BIRC6: variants seen among roughly 807,000 people sequenced by gnomAD.
BIRC6 encodes the protein dual E2 ubiquitin-conjugating enzyme/E3 ubiquitin-protein ligase BIRC6.
BIRC6 carries 98 observed loss-of-function variants against 503.3 expected under a neutral mutation model. The observed-to-expected ratio is 0.19, with a 90% CI of 0.17 to 0.23. The LOEUF is 0.23. Among genes scored for constraint, BIRC6 ranks in the 10% least tolerant of loss-of-function variants. The pLI, the probability that BIRC6 is intolerant of heterozygous loss-of-function variation, is 1.00. For missense variants in BIRC6, 5,360 were observed against 5,806.0 expected (o/e 0.92, Z 2.50); for synonymous variants, 2,240 against 2,078.7 (o/e 1.08, Z -2.11).
At chr2:32,489,187 G>A (rs1014801257) in intron 42 of BIRC6, among the ~76,000 whole-genome samples, 32 of 151,950 alleles carry the variant, frequency 2.1e-4, no homozygotes, top group African/African-American at 7.0e-4. Context: ...AAAAGAATTA[G>A]CGTTCAGCTC....
intron 68 of BIRC6, among the ~76,000 whole-genome samples, chr2:32,595,715 C>A (rs2061633809): frequency 2.0e-5 from 3 of 152,144 alleles, no homozygotes; most frequent in Admixed American, 1.3e-4. Context: ...TGAGAAACAA[C>A]CTAAAAATCT....
chr2:32,508,445 G>A (rs750075907), intron 51 of BIRC6, among the ~76,000 whole-genome samples, 186 bp downstream of exon 51: 6 of 151,750 alleles, frequency 4.0e-5, no homozygotes, highest in African/African-American at 1.5e-4. Flanking sequence ...ACAGAATGCT[G>A]ACACTGATTA....
At chr2:32,476,471 T>G (rs1029857745) in intron 34 of BIRC6, 127 bp downstream of exon 34, 43 of 944,438 alleles carry the variant, frequency 4.6e-5, no homozygotes, top group Non-Finnish European at 6.1e-5. Flanking sequence ...TCTGGACTTT[T>G]TTTTGGTGGG....
intron 20 of BIRC6, among the ~76,000 whole-genome samples, chr2:32,443,993 G>C (rs2045697938): frequency 2.0e-5 from 3 of 150,976 alleles, no homozygotes; most frequent in Non-Finnish European, 4.4e-5. Context: ...GATTGGTAGG[G>C]ACTATGGCAA....
chr2:32,599,774 A>G lies in BIRC6; in HGVS notation c.13866A>G (p.Ala4622=), dbSNP rs749602569. ...CTGGTCCAGCGGACACCCCTTATGCAAATGGCTGCTTTGAGTTTGATGTGT... is the reference window on the plus strand; with the variant it reads ...CTGGTCCAGCGGACACCCCTTATGCGAATGGCTGCTTTGAGTTTGATGTGT... ...LITGPADTPY[A]NGCFEFDVYF... Residue 4622 remains alanine, a synonymous_variant, in exon 70 of 74, where the codon GCA becomes GCG. Coordinates refer to ENST00000421745, the MANE Select transcript of BIRC6 (RefSeq NM_016252.4). 2 of 1,613,970 alleles carry G rather than the reference A, an allele frequency of 1.2e-6. No homozygotes were observed. Among genetic ancestry groups the G allele is most frequent in the South Asian group, 2.2e-5 (2 of 91,092 alleles).
rs145269315 is a variant in BIRC6 at position 32,545,788 on chromosome 2, C to T, written c.12738C>T (p.Leu4246=). ...CATTGGAAATTGGAGCCTTACACCTCATTCTTGTCTGTCTCTCTGCTTTGA... is the reference window on the plus strand; with the variant it reads ...CATTGGAAATTGGAGCCTTACACCTTATTCTTGTCTGTCTCTCTGCTTTGA... ...RMALEIGALH[L]ILVCLSALSH... is the part of the protein sequence containing the mutation. The change falls in exon 63 of 74, where the codon CTC becomes CTT. Residue 4246 remains leucine (L), a synonymous_variant. Coordinates refer to ENST00000421745, the MANE Select transcript of BIRC6 (RefSeq NM_016252.4). The T allele has an allele frequency of 2.5e-6, 4 of 1,613,806 alleles. No homozygotes were observed. In the African/African-American group the frequency reaches 4.0e-5, roughly 16 times the overall value.
At chr2:32,553,474 G>A (rs1161895625) in intron 65 of BIRC6, among the ~76,000 whole-genome samples, 8 of 151,766 alleles carry the variant, frequency 5.3e-5, no homozygotes, top group South Asian at 2.1e-4. Context: ...AGCAACCTCC[G>A]CCTCTCGGGT....
chr2:32,569,370 C>T (rs2059767302), intron 65 of BIRC6, among the ~76,000 whole-genome samples: 1 of 151,892 alleles, frequency 6.6e-6, no homozygotes. Flanking sequence ...ATTATTTTAT[C>T]TTATTTTTAA....
intron 23 of BIRC6, among the ~76,000 whole-genome samples, chr2:32,458,755 C>G (rs1348713355): frequency 7.5e-6 from 1 of 133,586 alleles, no homozygotes; most frequent in Non-Finnish European, 1.5e-5. Flanking sequence ...AGTGCAGTGG[C>G]TCAATCTTGG....
At position 32,499,882 on chromosome 2, in the gene BIRC6, C is replaced by T; in HGVS notation, c.8804C>T (p.Ser2935Leu). Residue 2935 changes from serine (S) to leucine (L), a missense_variant, in exon 46 of 74, where the codon TCA becomes TTA. Coordinates refer to ENST00000421745, the MANE Select transcript of BIRC6 (RefSeq NM_016252.4). ...AACATTTTAGTGCAGCTGCCTCTTT[C>T]AGGCAATAGGGAATACAGTGCAAGA... is the stretch of plus-strand genomic sequence containing the variant. ...LVNILVQLPLSGNREYSARVS... is the reference protein window; with the variant it reads ...LVNILVQLPLLGNREYSARVS... 1 of 1,613,992 alleles carries T rather than the reference C, an allele frequency of 6.2e-7. No homozygotes were observed.
Position 32,467,933 on chromosome 2 carries a change from A to C in BIRC6, c.5602A>C (p.Asn1868His). ...TGTTATTGGACGTTACGGGAGTACAAATGCCAGAGCCAAAATCCCATTAGG... is the reference window on the plus strand; with the variant it reads ...TGTTATTGGACGTTACGGGAGTACACATGCCAGAGCCAAAATCCCATTAGG... ...ITVIGRYGST[N>H]ARAKIPLGFY... Residue 1868 changes from asparagine to histidine, a missense_variant, in exon 28 of 74, where the codon AAT becomes CAT. By Grantham distance (68) the Asn-to-His change is moderately conservative. This residue lies in a region of BIRC6 where 2,299 missense variants were observed against 2,267.2 expected (regional missense o/e 1.01). Coordinates refer to ENST00000421745, the MANE Select transcript of BIRC6 (RefSeq NM_016252.4). The C allele has an allele frequency of 6.2e-7, 1 of 1,613,550 alleles. No individual in the cohort carries two copies. The highest frequency in any genetic ancestry group is 8.5e-7 in the Non-Finnish European group (1 of 1,179,712).
intron 15 of BIRC6, among the ~76,000 whole-genome samples, chr2:32,438,492 A>C (rs893783555): frequency 3.9e-5 from 6 of 152,002 alleles, no homozygotes; most frequent in African/African-American, 1.4e-4. Context: ...TTTTATATAT[A>C]GATTGTATAG....
chr2:32,552,229 T>A (rs1201457537), intron 65 of BIRC6, among the ~76,000 whole-genome samples: 2 of 152,180 alleles, frequency 1.3e-5, no homozygotes, highest in Non-Finnish European at 2.9e-5. Flanking sequence ...GTTAGATACT[T>A]TGTAATCTTT....
chr2:32,478,293 G>A (rs920293363), intron 35 of BIRC6, among the ~76,000 whole-genome samples: 1 of 151,798 alleles, frequency 6.6e-6, no homozygotes, highest in East Asian at 1.9e-4. Flanking sequence ...AGCTGAAATC[G>A]CGCCACTTCA....
At chr2:32,501,658 A>G in intron 46 of BIRC6, 55 bp from the exon 47 acceptor site, 1 of 1,475,054 alleles carries the variant, frequency 6.8e-7, no homozygotes, top group South Asian at 1.4e-5. Context: ...GGCATGAGCC[A>G]CTGCGCCTGG....
At chr2:32,572,420 T>C (rs111901097) in intron 65 of BIRC6, among the ~76,000 whole-genome samples, 4,003 of 152,320 alleles carry the variant, frequency 0.026, 110 homozygotes, top group African/African-American at 0.072. Context: ...AACAGTATTG[T>C]ATTGAACATT....
intron 70 of BIRC6, among the ~76,000 whole-genome samples, chr2:32,601,023 C>T (rs2062019253): frequency 6.6e-6 from 1 of 152,148 alleles, no homozygotes. Context: ...AAAAAAATCT[C>T]ATAATATTTT....
chr2:32,367,520 G>C (rs2035132191), intron 1 of BIRC6, among the ~76,000 whole-genome samples: 1 of 151,888 alleles, frequency 6.6e-6, no homozygotes. Flanking sequence ...GGACAGCGCT[G>C]TTAAAAAAAG....
At chr2:32,472,411 A>G (rs765164697) in intron 32 of BIRC6, among the ~76,000 whole-genome samples, 1 of 152,194 alleles carries the variant, frequency 6.6e-6, no homozygotes, top group East Asian at 1.9e-4. Flanking sequence ...AATAAACTGT[A>G]ATGTAATCTT....
Sources: allele counts gnomAD v4.1 joint callset (sites outside exome capture counted in the v4.1 genomes callset), GRCh38; gene constraint gnomAD v4.1.1; regional missense constraint gnomAD v4.1.1; transcripts MANE v1.5; gene names NCBI Gene and HGNC (gene_info 2026-07-23, HGNC 2026-07-21).